Variants in OXSR1 observed in about 807,000 individuals in gnomAD.
OXSR1 encodes serine/threonine-protein kinase OSR1.
OXSR1 carries 24 observed loss-of-function variants against 79.8 expected under a neutral mutation model. The ratio of observed to expected loss-of-function variants is 0.30; its 90% confidence interval spans 0.22 to 0.42. OXSR1 has a LOEUF of 0.42. OXSR1 is among the 10% of genes least tolerant of loss of function. The pLI is 1.00. For synonymous variants in OXSR1, 226 were observed against 209.2 expected (o/e 1.08, Z -0.69); for missense variants, 430 against 618.4 (o/e 0.70, Z 3.23).
intron 1 of OXSR1, among the ~76,000 whole-genome samples, chr3:38,170,722 T>A (rs1250144428): frequency 1.3e-5 from 2 of 152,220 alleles, no homozygotes; most frequent in African/African-American, 4.8e-5. Context: ...GTATCTACAT[T>A]GATTCGTTCT....
At chr3:38,166,095 C>A in intron 1 of OXSR1, 149 bp downstream of exon 1, 1 of 652,108 alleles carries the variant, frequency 1.5e-6, no homozygotes, top group East Asian at 3.0e-5. Flanking sequence ...ACGCTTGTGT[C>A]GAGGAGCGCG....
At chr3:38,185,970 AAAAAAAAGT>A (rs1462850111) in intron 2 of OXSR1, among the ~76,000 whole-genome samples, 27 of 150,138 alleles carry the variant, frequency 1.8e-4, no homozygotes, top group African/African-American at 6.6e-4. Flanking sequence ...AAAAAAAAAA[AAAAAAAAGT>A]CATGTGAAAG....
intron 11 of OXSR1, among the ~76,000 whole-genome samples, chr3:38,241,543 G>C (rs1235182299): frequency 6.6e-6 from 1 of 151,928 alleles, no homozygotes; most frequent in Non-Finnish European, 1.5e-5. Context: ...TGTACACTCT[G>C]ATTATTAAGT....
chr3:38,198,938 TCTGA>T, intron 4 of OXSR1, 75 bp downstream of exon 4: 4 of 1,268,702 alleles, frequency 3.2e-6, no homozygotes, highest in Middle Eastern at 1.9e-4. Flanking sequence ...AATCGTGATC[TCTGA>T]CTGTTATCAT....
chr3:38,222,045 A>C (rs1197934611), intron 6 of OXSR1, among the ~76,000 whole-genome samples: 1 of 152,204 alleles, frequency 6.6e-6, no homozygotes, highest in East Asian at 1.9e-4. Flanking sequence ...GATGCTTCAC[A>C]TAAATGCCTT....
intron 11 of OXSR1, among the ~76,000 whole-genome samples, chr3:38,240,933 A>C (rs976385718): frequency 7.9e-5 from 12 of 152,176 alleles, no homozygotes; most frequent in Non-Finnish European, 1.6e-4. Context: ...GTAAATATGG[A>C]CGAGTGTTGG....
At chr3:38,241,235 AT>A (rs1247692304) in intron 11 of OXSR1, among the ~76,000 whole-genome samples, 2 of 152,174 alleles carry the variant, frequency 1.3e-5, no homozygotes, top group Admixed American at 1.3e-4. Flanking sequence ...CCAAGTGGGA[AT>A]TCATGTAAAT....
intron 17 of OXSR1, 124 bp from the exon 18 acceptor site, chr3:38,252,693 C>T: frequency 1.4e-6 from 1 of 732,540 alleles, no homozygotes; most frequent in Non-Finnish European, 2.4e-6. Flanking sequence ...TCGTCAGTCT[C>T]CTATTTGTAT....
intron 10 of OXSR1, among the ~76,000 whole-genome samples, chr3:38,233,267 A>G (rs1055703107): frequency 3.9e-5 from 6 of 152,254 alleles, no homozygotes; most frequent in African/African-American, 1.2e-4. Flanking sequence ...CTCCTGGAAC[A>G]TAAACATTAA....
chr3:38,230,504 A>T, intron 10 of OXSR1, 74 bp downstream of exon 10: 1 of 949,144 alleles, frequency 1.1e-6, no homozygotes, highest in Non-Finnish European at 1.7e-6. Flanking sequence ...GTTAAGTAAT[A>T]CATTGTTAAT....
chr3:38,172,566 G>A (rs966009619), intron 1 of OXSR1, among the ~76,000 whole-genome samples: 3 of 152,120 alleles, frequency 2.0e-5, no homozygotes, highest in African/African-American at 7.2e-5. Flanking sequence ...TATTTTCATT[G>A]ATTGTTTACT....
At chr3:38,243,554 G>A (rs1575372957) in intron 12 of OXSR1, among the ~76,000 whole-genome samples, 1 of 152,160 alleles carries the variant, frequency 6.6e-6, no homozygotes, top group African/African-American at 2.4e-5. Flanking sequence ...GGTCTGTTCT[G>A]TCATACAGTC....
intron 6 of OXSR1, 144 bp downstream of exon 6, chr3:38,221,831 C>G (rs1464725779): frequency 2.0e-6 from 1 of 511,352 alleles, no homozygotes; most frequent in Non-Finnish European, 3.6e-6. Flanking sequence ...TTAGTCCACC[C>G]TTGAAAAGAA....
At chr3:38,242,186 G>A (rs1703049221) in intron 11 of OXSR1, among the ~76,000 whole-genome samples, 1 of 151,940 alleles carries the variant, frequency 6.6e-6, no homozygotes, top group South Asian at 2.1e-4. Flanking sequence ...CTTTATTTTT[G>A]CTAGTGGTCC....
intron 11 of OXSR1, among the ~76,000 whole-genome samples, chr3:38,239,908 CTTT>C (rs1004851620): frequency 1.1e-4 from 16 of 152,190 alleles, no homozygotes; most frequent in Admixed American, 9.8e-4. Flanking sequence ...AGGCCCACCA[CTTT>C]TTTTCCCTGT....
At chr3:38,214,052 A>AT (rs1039541155) in intron 4 of OXSR1, among the ~76,000 whole-genome samples, 12 of 152,154 alleles carry the variant, frequency 7.9e-5, no homozygotes, top group Non-Finnish European at 4.4e-5. Context: ...TTTGACTGTA[A>AT]CATATTAGTT....
At chr3:38,221,244 G>A (rs1462771444) in intron 5 of OXSR1, among the ~76,000 whole-genome samples, 1 of 151,996 alleles carries the variant, frequency 6.6e-6, no homozygotes, top group East Asian at 1.9e-4. Flanking sequence ...ATGTGGGGGT[G>A]GAGAGGAATG....
At chr3:38,225,316 CA>C (rs936932579) in intron 8 of OXSR1, among the ~76,000 whole-genome samples, 1 of 152,124 alleles carries the variant, frequency 6.6e-6, no homozygotes, top group African/African-American at 2.4e-5. Flanking sequence ...ACTTGAATCT[CA>C]AAGTCCTGAT....
At chr3:38,223,616 ATT>A (rs763326949) in intron 6 of OXSR1, among the ~76,000 whole-genome samples, 194 bp from the exon 7 acceptor site, 2 of 139,700 alleles carry the variant, frequency 1.4e-5, no homozygotes, top group African/African-American at 2.6e-5. Context: ...CTAATTTTGT[ATT>A]TTTTTTTTTT....
Sources: gnomAD v4.1 joint callset for allele counts (sites outside exome capture counted in the v4.1 genomes callset) on GRCh38, gnomAD v4.1.1 for gene constraint, MANE v1.5 for transcripts, NCBI Gene and HGNC (gene_info 2026-07-23, HGNC 2026-07-21) for gene names.